The following ADPRHL1 variants were observed in gnomAD, a reference collection of about 807,000 sequenced individuals.
The protein encoded by ADPRHL1 is ADP-ribosylhydrolase like 1, also known as inactive ADP-ribosyltransferase ARH2.
ADPRHL1 carries 43 observed loss-of-function variants against 44.1 expected under a neutral mutation model. The ratio of observed to expected loss-of-function variants is 0.98; its 90% CI spans 0.76 to 1.26. ADPRHL1 has a LOEUF of 1.26. Ranked by LOEUF, ADPRHL1 falls within the 50% of genes most tolerant of loss-of-function variation. The pLI is 0.00. For missense variants in ADPRHL1, 2,022 were observed against 2,496.9 expected (o/e 0.81, Z 4.05); for synonymous variants, 878 against 1,017.4 (o/e 0.86, Z 2.61).
rs1027233093 is a variant in ADPRHL1 at position 113,403,371 on chromosome 13, C to T, written c.*7G>A. ...TGCTGGGCGAGCCACGGTGTGTACTCGGGGCCTCACTTTGGGAGCTCAGAC... is the reference window on the plus strand; with the variant it reads ...TGCTGGGCGAGCCACGGTGTGTACTTGGGGCCTCACTTTGGGAGCTCAGAC... On this transcript the variant is annotated 3_prime_UTR_variant, in exon 8 of 8. Coordinates refer to ENST00000612156, the MANE Select transcript of ADPRHL1 (RefSeq NM_001394807.1). The T allele has an allele frequency of 1.5e-5, 19 of 1,231,878 alleles. No individual in the cohort carries two copies. Among genetic ancestry groups the T allele is most frequent in the Admixed American group, 8.4e-5 (2 of 23,698 alleles). The allele number at this position is 1,231,878 out of a possible 1,614,324, so 76.3% of individuals were successfully genotyped here.
In ADPRHL1 at chr13:113,404,837, G is replaced by A. The variant is rs984965511; in HGVS notation, c.4445C>T (p.Pro1482Leu). The A allele has an allele frequency of 6.4e-6, 8 of 1,248,236 alleles. No homozygotes were observed. The highest frequency in any genetic ancestry group is 3.1e-5 in the East Asian group (1 of 31,774). 77.3% of individuals were successfully genotyped at this position (1,248,236 alleles called of 1,614,324 possible). A position where few individuals can be genotyped will look rare whatever the true frequency, so the allele number is the denominator to read the frequency against. ...TTTCTGGGCCTGTCCTTGGGCTGCC[G>A]GGCTTCCCGGCCCCTCGGGCTCCCC... ...PPGEPEGPGS[P>L]AAQGQAQKQV... The change falls in exon 8 of 8, where the codon CCG becomes CTG. Residue 1482 changes from proline (P) to leucine (L), a missense_variant. Pro to Leu is a moderately conservative substitution (Grantham distance 98). Around this residue, in one of 8 missense-constraint regions of ADPRHL1, gnomAD observed 1,221 missense variants for 1,517.8 expected, o/e 0.80. Transcript: ENST00000612156.
rs1470608243 is a variant in ADPRHL1 at position 113,447,164 on chromosome 13, CGGT to C, written c.215-2578_215-2576del. Among the ~76,000 whole-genome samples, 26 of 119,496 alleles carry C rather than the reference CGGT, an allele frequency of 2.2e-4. 1 individual carries two copies. The Admixed American group carries it at 2.2e-3, about 10-fold the overall frequency. 78.4% of individuals were successfully genotyped at this position (119,496 alleles called of 152,430 possible). A position where few individuals can be genotyped will look rare whatever the true frequency, so the allele number is the denominator to read the frequency against. ...TGTATGTGCATGGCGTCTACACTCA[CGGT>C]GTTGTGTGTGCATGGCGTCTACACG... is the stretch of plus-strand genomic sequence containing the variant. On this transcript the variant is annotated intron_variant, in intron 1 of 7. Coordinates refer to ENST00000612156, the MANE Select transcript of ADPRHL1 (RefSeq NM_001394807.1).
At chr13:113,427,253 G>A (rs1454182227) in intron 4 of ADPRHL1, among the ~76,000 whole-genome samples, 1 of 152,256 alleles carries the variant, frequency 6.6e-6, no homozygotes, top group African/African-American at 2.4e-5. Context: ...AGTTCTGGGA[G>A]AACATTCGTT....
intron 1 of ADPRHL1, among the ~76,000 whole-genome samples, chr13:113,452,452 C>T (rs1363861501): frequency 2.6e-5 from 4 of 152,218 alleles, no homozygotes; most frequent in South Asian, 2.1e-4. Flanking sequence ...TAGCTGCAGC[C>T]CTCAGATTTT....
At chr13:113,446,333 A>G (rs1260639477) in intron 1 of ADPRHL1, among the ~76,000 whole-genome samples, 1 of 151,512 alleles carries the variant, frequency 6.6e-6, no homozygotes, top group Non-Finnish European at 1.5e-5. Context: ...AACCCCCCAG[A>G]GAGAGAGGGC....
In ADPRHL1 at chr13:113,407,029, G is replaced by A. The variant is rs1463554206; in HGVS notation, c.2253C>T (p.Thr751=). 90 of 1,232,146 alleles carry A rather than the reference G, an allele frequency of 7.3e-5. No individual in the cohort carries two copies. The highest frequency in any genetic ancestry group is 4.1e-5 in the South Asian group (1 of 24,322). The allele number at this position is 1,232,146 out of a possible 1,614,324, so 76.3% of individuals were successfully genotyped here. Reference sequence around the variant, plus strand: ...CCCTCACCTCCTGGACGCCTCCTGCGGTGCTCTCTGCGGTGGGGTCTGCAG... The same window carrying A: ...CCCTCACCTCCTGGACGCCTCCTGCAGTGCTCTCTGCGGTGGGGTCTGCAG... The part of the protein sequence containing the change: ...DGTADPTAES[T]AGGVQEVRGA... The change falls in exon 8 of 8, where the codon ACC becomes ACT. Residue 751 remains threonine, a synonymous_variant. Transcript: ENST00000612156.
chr13:113,429,705 G>A (rs2043993765), intron 3 of ADPRHL1, among the ~76,000 whole-genome samples: 1 of 152,202 alleles, frequency 6.6e-6, no homozygotes, highest in Admixed American at 6.5e-5. Flanking sequence ...ACTTGAGAGC[G>A]ACCCCGCAGA....
At chr13:113,429,216 T>C in intron 3 of ADPRHL1, 124 bp from the exon 4 acceptor site, 1 of 1,316,748 alleles carries the variant, frequency 7.6e-7, no homozygotes, top group African/African-American at 1.5e-5. Flanking sequence ...TTTCCCATGT[T>C]CAGGTGCACA....
chr13:113,406,800 C>T lies in ADPRHL1; in HGVS notation c.2482G>A (p.Val828Ile), dbSNP rs72666934. 958 of 1,232,034 alleles carry T rather than the reference C, an allele frequency of 7.8e-4. No individual in the cohort carries two copies. The highest frequency in any genetic ancestry group is 9.2e-4 in the Non-Finnish European group (905 of 988,002). 76.3% of individuals were successfully genotyped at this position (1,232,034 alleles called of 1,614,324 possible). The change falls in exon 8 of 8, where the codon GTC becomes ATC. Residue 828 changes from valine to isoleucine, a missense_variant. Physicochemically the swap from Val to Ile is conservative, Grantham distance 29. Around this residue, in one of 8 missense-constraint regions of ADPRHL1, gnomAD observed 1,221 missense variants for 1,517.8 expected, o/e 0.80. Coordinates refer to ENST00000612156, the MANE Select transcript of ADPRHL1 (RefSeq NM_001394807.1). Reference sequence around the variant, plus strand: ...GGCTGTGTTCTCCGAGCAGCCTGGACCGATGGAGCGTTCAGGGGTGGGATG... The same window carrying T: ...GGCTGTGTTCTCCGAGCAGCCTGGATCGATGGAGCGTTCAGGGGTGGGATG... Reference protein sequence around the residue: ...EHIPPLNAPSVQAARRTQPAT... With the variant: ...EHIPPLNAPSIQAARRTQPAT...
intron 1 of ADPRHL1, among the ~76,000 whole-genome samples, chr13:113,448,465 CAAAAAAAAAAA>C (rs61278696): frequency 1.3e-4 from 5 of 39,844 alleles, no homozygotes; most frequent in Non-Finnish European, 2.2e-4. Flanking sequence ...GACTATGTCC[CAAAAAAAAAAA>C]AAAAAAAAAA....
chr13:113,421,640 C>T (rs1446221722), intron 7 of ADPRHL1, among the ~76,000 whole-genome samples: 1 of 152,180 alleles, frequency 6.6e-6, no homozygotes, highest in East Asian at 1.9e-4. Context: ...AGTCCGTGGC[C>T]CCCACCTGTG....
In ADPRHL1 at chr13:113,422,848, AG is replaced by A. The variant is rs1442240315; in HGVS notation, c.1038del (p.Tyr347ThrfsTer26). 1.2e-6 allele frequency: 2 copies of A among 1,612,794 alleles called. No individual in the cohort carries two copies. Among genetic ancestry groups the A allele is most frequent in the Non-Finnish European group, 1.7e-6 (2 of 1,179,984 alleles). On this transcript the variant is annotated frameshift_variant, in exon 7 of 8. Coordinates refer to ENST00000612156, the MANE Select transcript of ADPRHL1 (RefSeq NM_001394807.1). LOFTEE classifies it low-confidence loss of function (END_TRUNC). ...TACTTCTCCTCTGTGGACAGGCGGTAGAGAGCCGCGCCCAGGTCCTCCAGCT... is the reference window on the plus strand; with the variant it reads ...TACTTCTCCTCTGTGGACAGGCGGTAAGAGCCGCGCCCAGGTCCTCCAGCT... The part of the protein sequence containing the change: ...KEKLEDLGAA[L>X]YRLSTEENRK...
Position 113,405,570 on chromosome 13 carries a change from G to C in ADPRHL1, c.3712C>G (p.His1238Asp), listed in dbSNP as rs377322619. Residue 1238 changes from histidine (H) to aspartate (D), a missense_variant, in exon 8 of 8, where the codon CAT becomes GAT. His to Asp is a moderately conservative substitution (Grantham distance 81). This residue lies in a region of ADPRHL1 where 1,221 missense variants were observed against 1,517.8 expected (regional missense o/e 0.80). Transcript: ENST00000612156. ...YISNTSAASR[H>D]TAAVGGRKDV... ...TTTCTGCCTCCTACAGCTGCTGTAT[G>C]TCTGCTGGCTGCTGATGTGTTTGAA... is the stretch of plus-strand genomic sequence containing the variant. 127 of 1,232,042 alleles carry C rather than the reference G, an allele frequency of 1.0e-4. No homozygotes were observed. The highest frequency in any genetic ancestry group is 1.3e-4 in the Non-Finnish European group (125 of 988,266). 76.3% of individuals were successfully genotyped at this position (1,232,042 alleles called of 1,614,324 possible).
chr13:113,434,575 ACAGG>A (rs1464576970), intron 2 of ADPRHL1, among the ~76,000 whole-genome samples: 38 of 146,858 alleles, frequency 2.6e-4, no homozygotes, highest in South Asian at 4.4e-4. Flanking sequence ...TAGAGTGAAC[ACAGG>A]TGTACCCCGG....
chr13:113,428,956 C>A lies in ADPRHL1; in HGVS notation c.642G>T (p.Thr214=), dbSNP rs774995395. 6 of 1,612,398 alleles carry A rather than the reference C, an allele frequency of 3.7e-6. No homozygotes were observed. The highest frequency in any genetic ancestry group is 5.1e-6 in the Non-Finnish European group (6 of 1,179,978). The change falls in exon 4 of 8, where the codon ACG becomes ACT. Residue 214 remains threonine (T), a synonymous_variant. Coordinates refer to ENST00000612156, the MANE Select transcript of ADPRHL1 (RefSeq NM_001394807.1). ...EEYCRKTIRH[T]AEYQEHWFYF... Reference sequence around the variant, plus strand: ...GGGGCCGGGGGAGCGGCTCACCTGCCGTGTGCCGGATGGTCTTCCTGCAGT... The same window carrying A: ...GGGGCCGGGGGAGCGGCTCACCTGCAGTGTGCCGGATGGTCTTCCTGCAGT...
At position 113,411,754 on chromosome 13, in the gene ADPRHL1, G is replaced by A. The variant is rs542782344; in HGVS notation, c.1062-3534C>T. ...CCTCAGCCATGGACCTGTGGCTGTC[G>A]GAGGCGTCCGCGGTTCAGGATGACG... On this transcript the variant is annotated intron_variant, in intron 7 of 7. Transcript: ENST00000612156. 1.2e-4 allele frequency among the ~76,000 whole-genome samples: 19 copies of A among 152,352 alleles called. No individual in the cohort carries two copies. The East Asian group carries it at 1.4e-3, about 11-fold the overall frequency.
Position 113,422,864 on chromosome 13 carries a change from G to A in ADPRHL1, c.1023C>T (p.Asp341=), listed in dbSNP as rs2043936232. 1 of 1,612,896 alleles carries A rather than the reference G, an allele frequency of 6.2e-7. No homozygotes were observed. Among genetic ancestry groups the A allele is most frequent in the Non-Finnish European group, 8.5e-7 (1 of 1,179,976 alleles). ...QDLEDKEKLE[D]LGAALYRLST... ...ACAGGCGGTAGAGAGCCGCGCCCAG[G>A]TCCTCCAGCTTCTCCTTGTCCTCCA... The change falls in exon 7 of 8, where the codon GAC becomes GAT. Residue 341 remains aspartate, a synonymous_variant. Transcript: ENST00000612156.
chr13:113,408,280 T>C (rs2043824444), intron 7 of ADPRHL1, 60 bp from the exon 8 acceptor site: 2 of 1,230,016 alleles, frequency 1.6e-6, no homozygotes, highest in Admixed American at 8.4e-5. Context: ...GATGACTCTA[T>C]AGAACATTTA....
intron 1 of ADPRHL1, chr13:113,449,305 G>T: frequency 1.3e-6 from 1 of 762,510 alleles, no homozygotes; most frequent in South Asian, 5.4e-5. Flanking sequence ...CCCGGAAGGA[G>T]TGAGCCCCGG....
Sources: allele counts gnomAD v4.1 joint callset (sites outside exome capture counted in the v4.1 genomes callset), GRCh38; gene constraint gnomAD v4.1.1; regional missense constraint gnomAD v4.1.1; transcripts MANE v1.5; gene names NCBI Gene and HGNC (gene_info 2026-07-23, HGNC 2026-07-21).